Variants in MPP3 observed in about 807,000 individuals in gnomAD.
The protein encoded by MPP3 is MAGUK p55 scaffold protein 3.
Under a neutral mutation model 80.7 loss-of-function variants are expected in MPP3, and 48 were observed. That is an observed-to-expected ratio of 0.59 (90% CI 0.47 to 0.76). The LOEUF (loss-of-function observed/expected upper bound fraction) is 0.76, where lower values mean the gene tolerates loss of function less well. MPP3 is among the 30% of genes least tolerant of loss of function. The pLI is 0.00. For missense variants in MPP3, 620 were observed against 763.0 expected, an observed-to-expected ratio of 0.81 and a Z score of 2.21; for synonymous variants, 311 against 297.6, an observed-to-expected ratio of 1.04 and a Z score of -0.46.
chr17:43,831,473 G>C, intron 4 of MPP3, 86 bp downstream of exon 4: 1 of 1,312,838 alleles, frequency 7.6e-7, no homozygotes, highest in Non-Finnish European at 1.1e-6. Context: ...CTGGGGCAGG[G>C]AGATGACTAG....
At chr17:43,832,260 CA>C (rs2046001150) in intron 2 of MPP3, 5 of 366,310 alleles carry the variant, frequency 1.4e-5, no homozygotes, top group Non-Finnish European at 2.0e-5. Context: ...AGCTGTGGGT[CA>C]AAATCCATAT....
chr17:43,810,640 G>A (rs1373491171), intron 18 of MPP3, among the ~76,000 whole-genome samples, 167 bp downstream of exon 18: 1 of 152,126 alleles, frequency 6.6e-6, no homozygotes, highest in Non-Finnish European at 1.5e-5. Context: ...GCATGTTTTG[G>A]GGTACAAGGC....
intron 19 of MPP3, among the ~76,000 whole-genome samples, chr17:43,804,392 C>T (rs1251207853): frequency 2.0e-5 from 3 of 152,164 alleles, no homozygotes; most frequent in Admixed American, 2.0e-4. Context: ...GAAACCCTTA[C>T]TTTTCTTGCC....
rs1567789972 is a variant in MPP3 at position 43,800,854 on chromosome 17, T to G, written c.*847A>C. 1 of 152,194 alleles carries G rather than the reference T, an allele frequency of 6.6e-6. No individual in the cohort carries two copies. The highest frequency in any genetic ancestry group is 1.5e-5 in the Non-Finnish European group (1 of 68,032). 9.4% of individuals were successfully genotyped at this position (152,194 alleles called of 1,614,324 possible). A position where few individuals can be genotyped will look rare whatever the true frequency, so the allele number is the denominator to read the frequency against. On this transcript the variant is annotated 3_prime_UTR_variant, in exon 20 of 20. Transcript: ENST00000398389. The stretch of plus-strand genomic sequence containing the variant: ...TATTCTTGACAGAAATGGTTTACAG[T>G]GACGTAGCCATAGTTTTGACAGGGA...
intron 19 of MPP3, among the ~76,000 whole-genome samples, chr17:43,804,062 C>T (rs749261401): frequency 3.0e-4 from 45 of 152,298 alleles, no homozygotes; most frequent in Admixed American, 4.6e-4. Context: ...GCCTGTGGAC[C>T]TGATGATTTG....
At chr17:43,805,561 C>T (rs776492125) in intron 19 of MPP3, among the ~76,000 whole-genome samples, 5 of 152,100 alleles carry the variant, frequency 3.3e-5, no homozygotes, top group East Asian at 1.9e-4. Flanking sequence ...GTCCATTAAT[C>T]GATAAATGGG....
chr17:43,804,170 T>C (rs1466420836), intron 19 of MPP3, among the ~76,000 whole-genome samples: 9 of 152,146 alleles, frequency 5.9e-5, no homozygotes, highest in African/African-American at 1.9e-4. Context: ...CCTGAAATAT[T>C]TGCAAAACAA....
intron 3 of MPP3, 90 bp downstream of exon 3, chr17:43,831,791 TC>T: frequency 6.9e-7 from 1 of 1,445,528 alleles, no homozygotes; most frequent in Non-Finnish European, 9.4e-7. Context: ...GGACATTCTC[TC>T]CCCAGGCTCT....
intron 10 of MPP3, among the ~76,000 whole-genome samples, chr17:43,822,869 A>C (rs897163997): frequency 6.6e-6 from 1 of 152,062 alleles, no homozygotes; most frequent in Admixed American, 6.6e-5. Context: ...CTAGTCCAGC[A>C]GGCAGAAGTT....
chr17:43,821,633 C>T (rs1396628369), intron 10 of MPP3, among the ~76,000 whole-genome samples: 1 of 151,760 alleles, frequency 6.6e-6, no homozygotes, highest in Non-Finnish European at 1.5e-5. Flanking sequence ...AGCCCTAATT[C>T]CCCCCTCTGC....
intron 7 of MPP3, among the ~76,000 whole-genome samples, chr17:43,828,610 C>T (rs946541763): frequency 6.6e-6 from 1 of 152,210 alleles, no homozygotes; most frequent in East Asian, 1.9e-4. Context: ...GCACTTAGTA[C>T]ACAGTAAGCA....
rs1598356694 is a variant in MPP3 at position 43,824,064 on chromosome 17, A to G, written c.610-59T>C. Reference sequence around the variant, plus strand: ...CCAGGTCTAACCCTCCAAGAGTTCAACTCCTACTTCTCAGGCCTAAAAACT... The same window carrying G: ...CCAGGTCTAACCCTCCAAGAGTTCAGCTCCTACTTCTCAGGCCTAAAAACT... On this transcript the variant is annotated intron_variant, in intron 9 of 19. Transcript: ENST00000398389. 6 of 1,244,994 alleles carry G rather than the reference A, an allele frequency of 4.8e-6. No individual in the cohort carries two copies. The South Asian group carries it at 6.7e-5, about 14-fold the overall frequency. 77.1% of individuals were successfully genotyped at this position (1,244,994 alleles called of 1,614,324 possible). A position where few individuals can be genotyped will look rare whatever the true frequency, so the allele number is the denominator to read the frequency against.
chr17:43,819,173 G>A (rs62078657), intron 11 of MPP3: 14,103 of 152,286 alleles, frequency 0.093, 857 homozygotes, highest in Non-Finnish European at 0.13. Context: ...CCCCCAGCCA[G>A]GGGGCCACAC....
chr17:43,825,971 G>C (rs569121550), intron 8 of MPP3, 130 bp from the exon 9 acceptor site: 1 of 645,806 alleles, frequency 1.5e-6, no homozygotes, highest in East Asian at 2.8e-5. Context: ...AAAGTTGATG[G>C]GTGGGACTGG....
At chr17:43,803,468 C>T (rs181564814) in intron 19 of MPP3, among the ~76,000 whole-genome samples, 6 of 152,200 alleles carry the variant, frequency 3.9e-5, no homozygotes, top group African/African-American at 1.4e-4. Context: ...GTCACAGTCC[C>T]GAAGATCACA....
intron 18 of MPP3, among the ~76,000 whole-genome samples, chr17:43,809,283 G>A (rs1306091718): frequency 6.6e-6 from 1 of 152,076 alleles, no homozygotes; most frequent in Admixed American, 6.6e-5. Context: ...AACTCAGCGG[G>A]GCCCTGAAGT....
chr17:43,809,061 C>T lies in MPP3; in HGVS notation c.1476G>A (p.Arg492=), dbSNP rs1330821566. ...TAATATAGGGTTTAAATTCTGAGGT[C>T]CTCAGTTGTTTCAGTGCCTGAGAAA... is the stretch of plus-strand genomic sequence containing the variant. ...DVEPEALKQL[R]TSEFKPYIIF... Residue 492 remains arginine (R), a synonymous_variant, in exon 19 of 20, where the codon AGG becomes AGA. Transcript: ENST00000398389. 1 of 1,588,018 alleles carries T rather than the reference C, an allele frequency of 6.3e-7. No individual in the cohort carries two copies. The highest frequency in any genetic ancestry group is 1.9e-5 in the Admixed American group (1 of 51,714).
chr17:43,816,198 G>T, intron 13 of MPP3, 119 bp from the exon 14 acceptor site: 1 of 840,498 alleles, frequency 1.2e-6, no homozygotes, highest in Non-Finnish European at 1.8e-6. Flanking sequence ...CTCGTGGGGA[G>T]CTCAGGGGAA....
chr17:43,821,032 G>A lies in MPP3; in HGVS notation c.711C>T (p.Tyr237=), dbSNP rs1418432304. The change falls in exon 11 of 20, where the codon TAC becomes TAT. Residue 237 remains tyrosine, a synonymous_variant. Coordinates refer to ENST00000398389, the MANE Select transcript of MPP3 (RefSeq NM_001932.6). ...SKVFMRALFH[Y]NPREDRAIPC... is the part of the protein sequence containing the mutation. Reference sequence around the variant, plus strand: ...GGATGGCCCGGTCCTCCCGAGGGTTGTAGTGGAAGAGGGCGCGCATGAACA... The same window carrying A: ...GGATGGCCCGGTCCTCCCGAGGGTTATAGTGGAAGAGGGCGCGCATGAACA... The A allele has an allele frequency of 6.2e-7, 1 of 1,613,978 alleles. No individual in the cohort carries two copies. Among genetic ancestry groups the A allele is most frequent in the South Asian group, 1.1e-5 (1 of 91,068 alleles).
Sources: gnomAD v4.1 joint callset for allele counts (sites outside exome capture counted in the v4.1 genomes callset) on GRCh38, gnomAD v4.1.1 for gene constraint, MANE v1.5 for transcripts, NCBI Gene and HGNC (gene_info 2026-07-23, HGNC 2026-07-21) for gene names.